The following MPDZ variants were observed in gnomAD, a reference collection of about 807,000 sequenced individuals.
MPDZ encodes the protein multiple PDZ domain protein.
MPDZ carries 234 observed loss-of-function variants against 239.1 expected under a neutral mutation model. The observed-to-expected ratio is 0.98, with a 90% CI of 0.88 to 1.09. MPDZ has a LOEUF of 1.09. Among genes scored for constraint, MPDZ ranks in the 50% least tolerant of loss-of-function variants. The probability of loss-of-function intolerance (pLI) is 0.00; values close to 1 mark genes in which losing one functional copy is unlikely to be tolerated. For synonymous variants in MPDZ, 1,048 were observed against 881.3 expected (o/e 1.19, Z -3.35); for missense variants, 3,175 against 2,510.0 (o/e 1.26, Z -5.66).
chr9:13,179,337 T>C (rs992147306), intron 19 of MPDZ, among the ~76,000 whole-genome samples: 1 of 152,120 alleles, frequency 6.6e-6, no homozygotes, highest in African/African-American at 2.4e-5. Flanking sequence ...AATTAGTAAA[T>C]CATCTCCCCC....
chr9:13,108,822 G>C, intron 46 of MPDZ, 114 bp downstream of exon 46: 1 of 1,032,646 alleles, frequency 9.7e-7, no homozygotes, highest in Non-Finnish European at 1.3e-6. Flanking sequence ...GAAAAGAAAT[G>C]ATCAACTGTT....
intron 1 of MPDZ, among the ~76,000 whole-genome samples, chr9:13,275,971 CCTTT>C (rs777569050): frequency 1.4e-4 from 21 of 152,144 alleles, no homozygotes; most frequent in Non-Finnish European, 2.6e-4. Flanking sequence ...AAGACCAAAG[CCTTT>C]CTGTGTCTTA....
intron 22 of MPDZ, among the ~76,000 whole-genome samples, chr9:13,167,527 A>T (rs1301071975): frequency 2.6e-5 from 4 of 152,166 alleles, no homozygotes; most frequent in African/African-American, 9.6e-5. Flanking sequence ...TAGAGAATGT[A>T]GTCAGTAAAA....
intron 12 of MPDZ, among the ~76,000 whole-genome samples, chr9:13,203,727 GCCACAC>G (rs1328452101): frequency 7.1e-5 from 5 of 70,014 alleles, no homozygotes; most frequent in Middle Eastern, 8.1e-3. Flanking sequence ...CATGTATCCT[GCCACAC>G]ACACACACAC....
At position 13,108,935 on chromosome 9, in the gene MPDZ, C is replaced by G; in HGVS notation, c.6066+1G>C. 6.2e-7 allele frequency: 1 copy of G among 1,610,104 alleles called. No individual in the cohort carries two copies. Among genetic ancestry groups the G allele is most frequent in the Admixed American group, 1.7e-5 (1 of 59,728 alleles). On this transcript the variant is annotated splice_donor_variant, in intron 46 of 46. Transcript: ENST00000319217. LOFTEE classifies it high-confidence loss of function. ...AGGGTGGTTAAAATTTGCAAGCTTA[C>G]CTTTGCAAACACTGTTTTAACATAA...
intron 3 of MPDZ, among the ~76,000 whole-genome samples, chr9:13,245,919 T>G (rs1201720777): frequency 1.3e-5 from 2 of 152,138 alleles, no homozygotes; most frequent in Non-Finnish European, 1.5e-5. Flanking sequence ...CAACGGAAAT[T>G]TCAAGTTATC....
chr9:13,139,690 G>C (rs1947348630), intron 28 of MPDZ, among the ~76,000 whole-genome samples: 1 of 152,128 alleles, frequency 6.6e-6, no homozygotes, highest in Admixed American at 6.5e-5. Context: ...ACTTGTTTGA[G>C]ACACAGAGTG....
intron 25 of MPDZ, among the ~76,000 whole-genome samples, chr9:13,149,580 A>C (rs1211667006): frequency 6.6e-6 from 1 of 152,018 alleles, no homozygotes; most frequent in African/African-American, 2.4e-5. Flanking sequence ...TTCTGAAGTG[A>C]CTTGATTACT....
chr9:13,215,253 T>A (rs930768114), intron 10 of MPDZ, among the ~76,000 whole-genome samples: 2 of 151,878 alleles, frequency 1.3e-5, no homozygotes, highest in African/African-American at 2.4e-5. Context: ...TAGCATAATG[T>A]CCTCAAGGTT....
At chr9:13,177,508 TA>T in intron 19 of MPDZ, among the ~76,000 whole-genome samples, 1 of 152,196 alleles carries the variant, frequency 6.6e-6, no homozygotes, top group South Asian at 2.1e-4. Flanking sequence ...TATATATTTT[TA>T]AAAACTAAAC....
At chr9:13,155,889 T>C (rs1285758682) in intron 24 of MPDZ, among the ~76,000 whole-genome samples, 1 of 152,156 alleles carries the variant, frequency 6.6e-6, no homozygotes, top group Non-Finnish European at 1.5e-5. Context: ...GAGTACCTTC[T>C]TAGAAGGATT....
In MPDZ at chr9:13,250,327, T is replaced by C; in HGVS notation, c.-12A>G. The C allele has an allele frequency of 6.3e-7, 1 of 1,584,788 alleles. No homozygotes were observed. The highest frequency in any genetic ancestry group is 8.6e-7 in the Non-Finnish European group (1 of 1,163,966). On this transcript the variant is annotated 5_prime_UTR_variant, in exon 2 of 47. Coordinates refer to ENST00000319217, the MANE Select transcript of MPDZ (RefSeq NM_001378778.1). ...ATGGCTTCCAACATTTTTTTCAAAG[T>C]TCAGTGTTCTTCTCTGAAATGATTA...
At position 13,193,254 on chromosome 9, in the gene MPDZ, T is replaced by C; in HGVS notation, c.1716A>G (p.Thr572=). The change falls in exon 14 of 47, where the codon ACA becomes ACG. Residue 572 remains threonine (T), a synonymous_variant. Coordinates refer to ENST00000319217, the MANE Select transcript of MPDZ (RefSeq NM_001378778.1). ...CAGATCGGATAAAATGATGTCCCAC[T>C]GTCGCTTCCAGGCTTATCCCCAATC... The part of the protein sequence containing the change: ...NSGLGISLEA[T]VGHHFIRSVL... 1 of 1,612,722 alleles carries C rather than the reference T, an allele frequency of 6.2e-7. No homozygotes were observed. The highest frequency in any genetic ancestry group is 2.2e-5 in the East Asian group (1 of 44,810).
At chr9:13,233,947 G>C (rs1963254113) in intron 3 of MPDZ, among the ~76,000 whole-genome samples, 2 of 152,102 alleles carry the variant, frequency 1.3e-5, no homozygotes, top group Non-Finnish European at 2.9e-5. Context: ...TTCCCAGAAG[G>C]AGTCCTTTAA....
At chr9:13,111,964 G>C (rs1239682906) in intron 43 of MPDZ, 60 bp downstream of exon 43, 4 of 1,577,302 alleles carry the variant, frequency 2.5e-6, no homozygotes, top group Non-Finnish European at 3.5e-6. Flanking sequence ...AGGTTCAAAG[G>C]TTTATAAAAA....
intron 3 of MPDZ, among the ~76,000 whole-genome samples, chr9:13,226,775 C>T (rs978029902): frequency 1.2e-4 from 18 of 152,044 alleles, no homozygotes; most frequent in Non-Finnish European, 2.2e-4. Flanking sequence ...AAATTTTTGA[C>T]TATTTTATTT....
chr9:13,114,002 G>T lies in MPDZ; in HGVS notation c.5486C>A (p.Ser1829Ter). 6.3e-7 allele frequency: 1 copy of T among 1,595,596 alleles called. No individual in the cohort carries two copies. The highest frequency in any genetic ancestry group is 1.1e-5 in the South Asian group (1 of 87,532). Residue 1829 changes from serine (S) to a stop codon, truncating the protein, a stop_gained, in exon 41 of 47, where the codon TCA (serine) becomes TAA (stop). Transcript: ENST00000319217. LOFTEE classifies it high-confidence loss of function. Reference protein sequence around the residue: ...QSSQVSEGSLSSFTFPLSGSS... With the variant: ...QSSQVSEGSL The stretch of plus-strand genomic sequence containing the variant: ...TCCAGAGAGTGGAAAAGTGAAAGAT[G>T]ACAGGCTGCCTTCACTCACCTACAA...
At chr9:13,114,850 A>G (rs1292781231) in intron 40 of MPDZ, among the ~76,000 whole-genome samples, 1 of 152,088 alleles carries the variant, frequency 6.6e-6, no homozygotes, top group Non-Finnish European at 1.5e-5. Flanking sequence ...CAGTGAGCTG[A>G]GATTGTGCCA....
At chr9:13,255,659 G>C (rs117757625) in intron 1 of MPDZ, among the ~76,000 whole-genome samples, 1 of 152,302 alleles carries the variant, frequency 6.6e-6, no homozygotes, top group East Asian at 1.9e-4. Flanking sequence ...TCAATGAGCA[G>C]TAATATATTT....
Sources: gnomAD v4.1 joint callset for allele counts (sites outside exome capture counted in the v4.1 genomes callset) on GRCh38, gnomAD v4.1.1 for gene constraint, MANE v1.5 for transcripts, NCBI Gene and HGNC (gene_info 2026-07-23, HGNC 2026-07-21) for gene names.